Variants in PLXNB2 observed in about 807,000 individuals in gnomAD.
PLXNB2 encodes plexin-B2.
PLXNB2 carries 85 observed loss-of-function variants against 202.6 expected under a neutral mutation model. The observed-to-expected ratio is 0.42, with a 90% CI of 0.35 to 0.50. The LOEUF is 0.50. Among genes scored for constraint, PLXNB2 ranks in the 20% least tolerant of loss-of-function variants. PLXNB2 has a pLI of 0.02. For synonymous variants in PLXNB2, 1,239 were observed against 1,137.6 expected, an observed-to-expected ratio of 1.09 and a Z score of -1.79; for missense variants, 2,063 against 2,586.2, an observed-to-expected ratio of 0.80 and a Z score of 4.39.
At position 50,289,826 on chromosome 22, in the gene PLXNB2, GTCTTCTCTGCACATGC is replaced by G. The variant is rs1396313733; in HGVS notation, c.743_758del (p.Arg248ProfsTer138). 1 of 1,613,318 alleles carries G rather than the reference GTCTTCTCTGCACATGC, an allele frequency of 6.2e-7. No homozygotes were observed. ...TCTCCAGGTAGGAGTAGTAGTTGGG[GTCTTCTCTGCACATGC>G]GTGCCAGCAGCGTGCGGTTCCGGGC... On this transcript the variant is annotated frameshift_variant, in exon 3 of 37. Coordinates refer to ENST00000359337, the MANE Select transcript of PLXNB2 (RefSeq NM_012401.4). LOFTEE classifies it high-confidence loss of function. This position sits in a 1 kb window ranked among gnomAD's most constrained non-coding sequence, Gnocchi z 8.0.
In PLXNB2 at chr22:50,282,765, G is replaced by A. The variant is rs2147400975; in HGVS notation, c.2933C>T (p.Thr978Ile). 2 of 1,589,206 alleles carry A rather than the reference G, an allele frequency of 1.3e-6. No homozygotes were observed. Among genetic ancestry groups the A allele is most frequent in the Middle Eastern group, 1.7e-4 (1 of 6,000 alleles). ...TCGCAGTACGGGGTTTTCGCGGTAG[G>A]TGAAGAAGATGCCGGGGTTGGGCAC... ...SPVPNPGIFF[T>I]YRENPVLRAF... is the part of the protein sequence containing the mutation. The change falls in exon 18 of 37, where the codon ACC (threonine) becomes ATC (isoleucine). Residue 978 changes from threonine (T) to isoleucine (I), a missense_variant. Thr to Ile is a moderately conservative substitution (Grantham distance 89). This residue lies in a region of PLXNB2 where 1,303 missense variants were observed against 1,476.8 expected (regional missense o/e 0.88). Transcript: ENST00000359337.
intron 32 of PLXNB2, 21 bp downstream of exon 32, chr22:50,277,832 G>T: frequency 6.2e-7 from 1 of 1,608,268 alleles, no homozygotes; most frequent in South Asian, 1.1e-5. Flanking sequence ...GCTGGGCCGC[G>T]GGGTGGGTGT....
At chr22:50,293,635 G>A (rs560149860) in intron 2 of PLXNB2, among the ~76,000 whole-genome samples, 3 of 152,358 alleles carry the variant, frequency 2.0e-5, no homozygotes, top group Admixed American at 6.5e-5. Context: ...CGGGGGCAGC[G>A]CGGGGGCGGG....
chr22:50,294,150 G>A (rs1392135387), intron 2 of PLXNB2, among the ~76,000 whole-genome samples: 2 of 152,268 alleles, frequency 1.3e-5, no homozygotes, highest in Non-Finnish European at 2.9e-5. Flanking sequence ...ACAGGAGGGA[G>A]GGCGGGCAGC....
intron 2 of PLXNB2, among the ~76,000 whole-genome samples, chr22:50,292,759 G>A (rs1002608843): frequency 2.0e-5 from 3 of 152,150 alleles, no homozygotes; most frequent in Non-Finnish European, 2.9e-5. Flanking sequence ...CTGATTGCCC[G>A]CACGCTTCCT....
rs370045536 is a variant in PLXNB2, at chr22:50,277,858, C to G, written c.5043G>C (p.Thr1681=). 4 of 1,612,834 alleles carry G rather than the reference C, an allele frequency of 2.5e-6. No homozygotes were observed. In the South Asian group the frequency reaches 4.4e-5, roughly 18 times the overall value. ...GGGTGGGTGTGGAGCCTCACCTGTT[C>G]GTCTTCCAGATGTGGATGGTGTCTT... The part of the protein sequence containing the change: ...QDEDTIHIWK[T]NSLPLRFWVN... Residue 1681 remains threonine, a synonymous_variant, in exon 32 of 37, where the codon ACG becomes ACC. Transcript: ENST00000359337.
rs968236450 is a variant in PLXNB2 at position 50,275,205 on chromosome 22, G to A, written c.*499C>T. 1.0e-4 allele frequency: 33 copies of A among 327,488 alleles called. No individual in the cohort carries two copies. Among genetic ancestry groups the A allele is most frequent in the South Asian group, 2.3e-4 (10 of 43,144 alleles). 20.3% of individuals were successfully genotyped at this position (327,488 alleles called of 1,614,324 possible). Reference sequence around the variant, plus strand: ...CAGCCGTGAGTCCACCCAGAGTGCCGGCACCCTTGGGGAGGCCGGTGAGGT... The same window carrying A: ...CAGCCGTGAGTCCACCCAGAGTGCCAGCACCCTTGGGGAGGCCGGTGAGGT... On this transcript the variant is annotated 3_prime_UTR_variant, in exon 37 of 37. Transcript: ENST00000359337.
chr22:50,276,311 TG>T, intron 35 of PLXNB2, among the ~76,000 whole-genome samples: 1 of 113,488 alleles, frequency 8.8e-6, no homozygotes, highest in South Asian at 3.1e-4. Flanking sequence ...GACACGGCCG[TG>T]GATGGAGCCG....
chr22:50,302,103 T>C (rs2067721901), intron 1 of PLXNB2, among the ~76,000 whole-genome samples: 1 of 151,284 alleles, frequency 6.6e-6, no homozygotes, highest in African/African-American at 2.4e-5. Flanking sequence ...GGGCCATGTG[T>C]GGCATGGGGA....
Position 50,275,159 on chromosome 22 carries a change from G to C in PLXNB2, c.*545C>G, listed in dbSNP as rs1051010697. ...GTAGGACTTGACCTACGTCTCACTT[G>C]ACCTTTGACGTGGGGCCCAGCAGCC... On this transcript the variant is annotated 3_prime_UTR_variant, in exon 37 of 37. Transcript: ENST00000359337. The C allele has an allele frequency of 6.5e-6, 2 of 308,376 alleles. No individual in the cohort carries two copies. The highest frequency in any genetic ancestry group is 1.3e-5 in the Non-Finnish European group (2 of 156,364). The allele number at this position is 308,376 out of a possible 1,614,324, so 19.1% of individuals were successfully genotyped here.
chr22:50,277,783 G>A lies in PLXNB2; in HGVS notation c.5049-45C>T, dbSNP rs1033024635. ...AATGAGAGCCGGGGCTGGGCCGCGG[G>A]GTGGGTGTGGAGCCTCCCAAGTGAG... is the stretch of plus-strand genomic sequence containing the variant. On this transcript the variant is annotated intron_variant, in intron 32 of 36. Transcript: ENST00000359337. 2.5e-6 allele frequency: 4 copies of A among 1,598,314 alleles called. No individual in the cohort carries two copies. In the African/African-American group the frequency reaches 4.0e-5, roughly 16 times the overall value.
At chr22:50,282,977 G>A (rs931558280) in intron 17 of PLXNB2, 73 bp downstream of exon 17, 3 of 1,567,762 alleles carry the variant, frequency 1.9e-6, no homozygotes, top group East Asian at 4.5e-5. Context: ...GGGCCACTCA[G>A]GTCTCAGTAA....
At chr22:50,296,650 C>T (rs1009084770) in intron 1 of PLXNB2, among the ~76,000 whole-genome samples, 2 of 151,490 alleles carry the variant, frequency 1.3e-5, no homozygotes, top group African/African-American at 2.4e-5. Flanking sequence ...AGGTAGGCTC[C>T]ACTCTGCCTC....
intron 33 of PLXNB2, among the ~76,000 whole-genome samples, chr22:50,277,172 A>G (rs1209222929): frequency 1.3e-5 from 2 of 152,110 alleles, no homozygotes; most frequent in Non-Finnish European, 2.9e-5. Context: ...GTTGTGGCAC[A>G]TGCCTGTAGT....
In PLXNB2 at chr22:50,284,266, G is replaced by C; in HGVS notation, c.2182-53C>G. 6.6e-7 allele frequency: 1 copy of C among 1,523,492 alleles called. No individual in the cohort carries two copies. The highest frequency in any genetic ancestry group is 9.1e-7 in the Non-Finnish European group (1 of 1,100,404). 94.4% of individuals were successfully genotyped at this position (1,523,492 alleles called of 1,614,324 possible). A position where few individuals can be genotyped will look rare whatever the true frequency, so the allele number is the denominator to read the frequency against. ...CTTCCTGCCCCCACAGAGGGGCGTG[G>C]GGCGGGGGTCACAAGGGCAGCCTCC... is the stretch of plus-strand genomic sequence containing the variant. On this transcript the variant is annotated intron_variant, in intron 12 of 36. Transcript: ENST00000359337. This position sits in a 1 kb window ranked among gnomAD's most constrained non-coding sequence, Gnocchi z 8.0.
chr22:50,296,229 C>CACACACAA (rs57020229), intron 1 of PLXNB2, among the ~76,000 whole-genome samples: 11 of 145,896 alleles, frequency 7.5e-5, no homozygotes, highest in South Asian at 2.1e-4. Flanking sequence ...CACACACACA[C>CACACACAA]AATAAAAAAG....
At position 50,288,707 on chromosome 22, in the gene PLXNB2, G is replaced by A; in HGVS notation, c.1380+36C>T. The A allele has an allele frequency of 1.2e-6, 2 of 1,610,072 alleles. No homozygotes were observed. The highest frequency in any genetic ancestry group is 1.3e-5 in the African/African-American group (1 of 75,014). ...TGGGATGCAATGACCGGGCACACTT[G>A]GCCTAGAGTGCTCTCCGGGGCTGCG... is the stretch of plus-strand genomic sequence containing the variant. On this transcript the variant is annotated intron_variant, in intron 5 of 36. Transcript: ENST00000359337. This position sits in a 1 kb window ranked among gnomAD's most constrained non-coding sequence, Gnocchi z 5.0.
rs764571552 is a variant in PLXNB2 at position 50,283,994 on chromosome 22, C to T, written c.2264-4G>A. The T allele has an allele frequency of 9.8e-6, 15 of 1,536,888 alleles. No homozygotes were observed. Among genetic ancestry groups the T allele is most frequent in the Middle Eastern group, 1.9e-4 (1 of 5,344 alleles). ...AAGGAGCAGTTGTAGAGGGTCACTG[C>T]GGGGAGAGCTGCCGTCAGTGGTCAC... On this transcript the variant is annotated splice_polypyrimidine_tract_variant and splice_region_variant and intron_variant, in intron 13 of 36. Coordinates refer to ENST00000359337, the MANE Select transcript of PLXNB2 (RefSeq NM_012401.4).
Position 50,279,776 on chromosome 22 carries a change from C to T in PLXNB2, c.4243G>A (p.Asp1415Asn), listed in dbSNP as rs1202488608. Residue 1415 changes from aspartate (D) to asparagine (N), a missense_variant and splice_region_variant, in exon 27 of 37, where the codon GAC (aspartate) becomes AAC (asparagine). Physicochemically the swap from Asp to Asn is conservative, Grantham distance 23. This residue lies in a region of PLXNB2 where 760 missense variants were observed against 1,109.4 expected (regional missense o/e 0.69). Transcript: ENST00000359337. ...TTGTACAGGGGCTCCCCGGCACTGT[C>T]CTGGAGTAACACGGAGGGGAGGCTG... Reference protein sequence around the residue: ...MSICLYQYLKDSAGEPLYKLF... With the variant: ...MSICLYQYLKNSAGEPLYKLF... The T allele has an allele frequency of 3.1e-6, 5 of 1,613,688 alleles. No homozygotes were observed. The highest frequency in any genetic ancestry group is 1.7e-5 in the Admixed American group (1 of 59,998).
Sources: allele counts gnomAD v4.1 joint callset (sites outside exome capture counted in the v4.1 genomes callset), GRCh38; gene constraint gnomAD v4.1.1; regional missense constraint gnomAD v4.1.1; non-coding constraint Gnocchi (gnomAD v3.1); transcripts MANE v1.5; gene names NCBI Gene and HGNC (gene_info 2026-07-23, HGNC 2026-07-21).